CCDC85A: variants seen among roughly 807,000 people sequenced by gnomAD.
The protein encoded by CCDC85A is coiled-coil domain containing 85A.
CCDC85A carries 38 observed loss-of-function variants against 50.2 expected under a neutral mutation model. That is an observed-to-expected ratio of 0.76 (90% CI 0.58 to 0.99). CCDC85A has a LOEUF of 0.99. Among genes scored for constraint, CCDC85A ranks in the 50% least tolerant of loss-of-function variants. The pLI is 0.00. For synonymous variants in CCDC85A, 366 were observed against 301.4 expected (o/e 1.21, Z -2.22); for missense variants, 820 against 742.0 (o/e 1.11, Z -1.22).
At chr2:56,219,350 C>G (rs947012975) in intron 2 of CCDC85A, among the ~76,000 whole-genome samples, 1 of 151,352 alleles carries the variant, frequency 6.6e-6, no homozygotes. Flanking sequence ...GGACGTTCTT[C>G]GAACAATAAA....
Position 56,379,423 on chromosome 2 carries a change from G to T in CCDC85A, c.1572+3488G>T, listed in dbSNP as rs1316066296. Among the ~76,000 whole-genome samples, 5 of 152,240 alleles carry T rather than the reference G, an allele frequency of 3.3e-5. No homozygotes were observed. In the East Asian group the frequency reaches 7.7e-4, roughly 24 times the overall value. ...TCATTACAGTGGAGCAAGAGTTATTGACTATATCCAAATTGTTGATACAGT... is the reference window on the plus strand; with the variant it reads ...TCATTACAGTGGAGCAAGAGTTATTTACTATATCCAAATTGTTGATACAGT... On this transcript the variant is annotated intron_variant, in intron 5 of 5. Transcript: ENST00000407595.
At chr2:56,185,424 G>GT (rs1441920233) in intron 1 of CCDC85A, among the ~76,000 whole-genome samples, 2 of 152,144 alleles carry the variant, frequency 1.3e-5, no homozygotes, top group Non-Finnish European at 2.9e-5. Flanking sequence ...GAGCAGTCTT[G>GT]TGTCACCGGG....
At chr2:56,339,264 T>G (rs992422530) in intron 2 of CCDC85A, among the ~76,000 whole-genome samples, 2 of 152,200 alleles carry the variant, frequency 1.3e-5, no homozygotes, top group African/African-American at 4.8e-5. Context: ...TTCACCTGTT[T>G]AAAACTATGC....
intron 3 of CCDC85A, among the ~76,000 whole-genome samples, chr2:56,352,253 T>TA (rs1674987469): frequency 6.6e-6 from 1 of 152,222 alleles, no homozygotes; most frequent in South Asian, 2.1e-4. Context: ...TGCCTAAATA[T>TA]AAACATAATA....
chr2:56,217,020 C>G (rs979782440), intron 2 of CCDC85A, among the ~76,000 whole-genome samples: 2 of 151,880 alleles, frequency 1.3e-5, no homozygotes, highest in African/African-American at 4.8e-5. Flanking sequence ...ATGTCATGCA[C>G]AGCAAAGTTG....
At chr2:56,205,403 A>T (rs7607834) in intron 2 of CCDC85A, among the ~76,000 whole-genome samples, 6,535 of 145,016 alleles carry the variant, frequency 0.045, 464 homozygotes, top group African/African-American at 0.16. Context: ...GGCTCTTCAG[A>T]GAAATGGAGA....
At chr2:56,382,257 A>G (rs1237471311) in intron 5 of CCDC85A, among the ~76,000 whole-genome samples, 1 of 152,040 alleles carries the variant, frequency 6.6e-6, no homozygotes, top group Non-Finnish European at 1.5e-5. Flanking sequence ...ATATGCCTTT[A>G]TAATAATGTC....
chr2:56,350,959 G>A (rs1352517157), intron 3 of CCDC85A, among the ~76,000 whole-genome samples: 11 of 144,080 alleles, frequency 7.6e-5, no homozygotes, highest in South Asian at 6.9e-4. Flanking sequence ...CCATTAACTC[G>A]TCATTTAGCA....
chr2:56,219,446 C>A (rs1198669706), intron 2 of CCDC85A, among the ~76,000 whole-genome samples: 1 of 151,614 alleles, frequency 6.6e-6, no homozygotes, highest in African/African-American at 2.4e-5. Flanking sequence ...AAAATTGCAA[C>A]CATTTTAAGT....
At chr2:56,359,553 C>T in intron 3 of CCDC85A, among the ~76,000 whole-genome samples, 1 of 152,144 alleles carries the variant, frequency 6.6e-6, no homozygotes, top group Non-Finnish European at 1.5e-5. Context: ...ATAGATACCA[C>T]ATAGGCAGCA....
intron 2 of CCDC85A, among the ~76,000 whole-genome samples, chr2:56,321,738 A>G (rs906555711): frequency 2.6e-5 from 4 of 152,212 alleles, no homozygotes; most frequent in Non-Finnish European, 4.4e-5. Flanking sequence ...TCTAGATTCA[A>G]TTCCATCCCC....
At chr2:56,287,308 G>A (rs564951166) in intron 2 of CCDC85A, among the ~76,000 whole-genome samples, 4 of 152,208 alleles carry the variant, frequency 2.6e-5, no homozygotes, top group South Asian at 2.1e-4. Context: ...CAGTGGCTGC[G>A]AGCTTCAATT....
intron 2 of CCDC85A, among the ~76,000 whole-genome samples, chr2:56,319,365 G>A (rs900213104): frequency 1.3e-5 from 2 of 152,046 alleles, no homozygotes; most frequent in Non-Finnish European, 2.9e-5. Flanking sequence ...GTAACTGCTA[G>A]TCCACAACAC....
At chr2:56,343,021 T>G in intron 3 of CCDC85A, 66 bp downstream of exon 3, 3 of 1,125,668 alleles carry the variant, frequency 2.7e-6, no homozygotes, top group Non-Finnish European at 3.9e-6. Context: ...TATTTGGAAT[T>G]TAAAAGCTCA....
chr2:56,203,105 C>T (rs191058482), intron 2 of CCDC85A, among the ~76,000 whole-genome samples: 2 of 152,290 alleles, frequency 1.3e-5, no homozygotes, highest in Admixed American at 1.3e-4. Context: ...CAGGGCAGTC[C>T]TCTTCACTGT....
At chr2:56,265,620 G>T (rs961468819) in intron 2 of CCDC85A, among the ~76,000 whole-genome samples, 2 of 152,086 alleles carry the variant, frequency 1.3e-5, no homozygotes, top group African/African-American at 4.8e-5. Context: ...TGTTATATTG[G>T]CTATTATCGA....
Position 56,192,428 on chromosome 2 carries a change from G to T in CCDC85A, c.277-49G>T. 1 of 1,542,024 alleles carries T rather than the reference G, an allele frequency of 6.5e-7. No homozygotes were observed. Among genetic ancestry groups the T allele is most frequent in the South Asian group, 1.3e-5 (1 of 79,054 alleles). ...CCTTTCCAGGAAGTCTGAGCCTGCT[G>T]ACACCTCAGATGTGTACTTCCCTTG... On this transcript the variant is annotated intron_variant, in intron 1 of 5. Transcript: ENST00000407595. This position sits in a 1 kb window ranked among gnomAD's most constrained non-coding sequence, Gnocchi z 4.7.
chr2:56,269,805 G>T (rs1376138762), intron 2 of CCDC85A, among the ~76,000 whole-genome samples: 1 of 152,102 alleles, frequency 6.6e-6, no homozygotes, highest in African/African-American at 2.4e-5. Flanking sequence ...ACATAAAGTA[G>T]AGTTAACATC....
chr2:56,270,638 G>T (rs1284659750), intron 2 of CCDC85A, among the ~76,000 whole-genome samples: 3 of 152,172 alleles, frequency 2.0e-5, no homozygotes, highest in Non-Finnish European at 2.9e-5. Context: ...TAATTTTAAT[G>T]AACTCTCGTT....
Sources: gnomAD v4.1 joint callset for allele counts (sites outside exome capture counted in the v4.1 genomes callset) on GRCh38, gnomAD v4.1.1 for gene constraint, Gnocchi (gnomAD v3.1) non-coding constraint, MANE v1.5 for transcripts, NCBI Gene and HGNC (gene_info 2026-07-23, HGNC 2026-07-21) for gene names.